The following DNAH10 variants were observed in gnomAD, a reference collection of about 807,000 sequenced individuals.
The protein encoded by DNAH10 is dynein axonemal heavy chain 10.
In DNAH10, 348 loss-of-function variants were observed where a neutral mutation model predicts 506.6. That is an observed-to-expected ratio of 0.69 (90% CI 0.63 to 0.75). The LOEUF (loss-of-function observed/expected upper bound fraction) is 0.75, where lower values mean the gene tolerates loss of function less well. Ranked by LOEUF, DNAH10 falls within the 30% of genes least tolerant of loss-of-function variation. DNAH10 has a pLI of 0.00. For synonymous variants in DNAH10, 2,059 were observed against 2,198.6 expected (o/e 0.94, Z 1.78); for missense variants, 5,179 against 5,787.1 (o/e 0.89, Z 3.41).
chr12:123,848,990 G>T, intron 34 of DNAH10, 108 bp downstream of exon 34: 1 of 1,327,952 alleles, frequency 7.5e-7, no homozygotes, highest in Non-Finnish European at 1.0e-6. Flanking sequence ...CTCCAGACCA[G>T]GCTTCCTGTA....
intron 21 of DNAH10, among the ~76,000 whole-genome samples, chr12:123,818,739 C>A (rs1159834297): frequency 1.3e-5 from 2 of 152,178 alleles, no homozygotes; most frequent in African/African-American, 4.8e-5. Flanking sequence ...GCCTCAGCCC[C>A]CCAAAGTACT....
chr12:123,852,730 C>T (rs929245882), intron 35 of DNAH10, among the ~76,000 whole-genome samples: 3 of 152,152 alleles, frequency 2.0e-5, no homozygotes, highest in Non-Finnish European at 2.9e-5. Context: ...TGCGCCACCA[C>T]GCCTGGCTAA....
chr12:123,893,276 C>T lies in DNAH10; in HGVS notation c.9039C>T (p.Ile3013=). 6.2e-7 allele frequency: 1 copy of T among 1,614,050 alleles called. No individual in the cohort carries two copies. The highest frequency in any genetic ancestry group is 8.5e-7 in the Non-Finnish European group (1 of 1,179,904). Reference sequence around the variant, plus strand: ...TTTCTGAAGAGGAGAAAGAGTCTATCCTGAGTCAGATTGGACAGGAAGCTC... The same window carrying T: ...TTTCTGAAGAGGAGAAAGAGTCTATTCTGAGTCAGATTGGACAGGAAGCTC... The part of the protein sequence containing the change: ...ALFSEEEKES[I]LSQIGQEALK... The change falls in exon 53 of 79, where the codon ATC becomes ATT. Residue 3013 remains isoleucine (I), a synonymous_variant. Transcript: ENST00000673944.
chr12:123,805,162 T>C, intron 18 of DNAH10, 122 bp downstream of exon 18: 1 of 1,038,146 alleles, frequency 9.6e-7, no homozygotes, highest in African/African-American at 1.6e-5. Flanking sequence ...TCAGAGGCTT[T>C]CTGGCAGAAG....
chr12:123,768,894 A>T (rs1329310997), intron 2 of DNAH10, among the ~76,000 whole-genome samples: 1 of 151,722 alleles, frequency 6.6e-6, no homozygotes, highest in Non-Finnish European at 1.5e-5. Context: ...GTGCACCAAC[A>T]TGCCTGGATG....
Position 123,929,332 on chromosome 12 carries a change from A to T in DNAH10, c.12364A>T (p.Ile4122Phe). 1 of 1,608,248 alleles carries T rather than the reference A, an allele frequency of 6.2e-7. No individual in the cohort carries two copies. Among genetic ancestry groups the T allele is most frequent in the East Asian group, 2.2e-5 (1 of 44,716 alleles). ...KLNMRATYFK[I>F]SHEMLDQCPH... is the part of the protein sequence containing the mutation. ...CAACATGAGGGCAACTTACTTCAAGATCTCTCACGAAATGCTGGACCAGTG... is the reference window on the plus strand; with the variant it reads ...CAACATGAGGGCAACTTACTTCAAGTTCTCTCACGAAATGCTGGACCAGTG... The change falls in exon 71 of 79, where the codon ATC (isoleucine) becomes TTC (phenylalanine). Residue 4122 changes from isoleucine (I) to phenylalanine (F), a missense_variant. By Grantham distance (21) the Ile-to-Phe change is conservative (BLOSUM62 0). Coordinates refer to ENST00000673944, the MANE Select transcript of DNAH10 (RefSeq NM_001372106.1).
At chr12:123,840,569 C>T (rs1375891520) in intron 29 of DNAH10, among the ~76,000 whole-genome samples, 1 of 151,908 alleles carries the variant, frequency 6.6e-6, no homozygotes, top group African/African-American at 2.4e-5. Flanking sequence ...TGTGCCTGGC[C>T]TTCTGCTTCC....
intron 45 of DNAH10, among the ~76,000 whole-genome samples, chr12:123,873,299 T>A (rs939862328): frequency 2.2e-4 from 33 of 152,176 alleles, no homozygotes; most frequent in African/African-American, 7.0e-4. Context: ...AGACCCTCAG[T>A]CTACTTTCTT....
intron 35 of DNAH10, among the ~76,000 whole-genome samples, chr12:123,852,597 G>T (rs193023948): frequency 2.4e-4 from 36 of 151,090 alleles, no homozygotes; most frequent in African/African-American, 8.5e-4. Flanking sequence ...TTTTGAGATG[G>T]AATCTTGCTC....
intron 36 of DNAH10, among the ~76,000 whole-genome samples, chr12:123,856,150 A>T (rs1223610351): frequency 6.8e-6 from 1 of 147,260 alleles, no homozygotes; most frequent in Non-Finnish European, 1.5e-5. Context: ...ATAATTTATA[A>T]ATAATACAAA....
At chr12:123,887,339 T>C in intron 52 of DNAH10, 26 bp downstream of exon 52, 1 of 1,606,618 alleles carries the variant, frequency 6.2e-7, no homozygotes, top group Non-Finnish European at 8.5e-7. Flanking sequence ...GCGCCCGCTG[T>C]GGCCAACACC....
chr12:123,834,072 A>G (rs1321383362), intron 27 of DNAH10, among the ~76,000 whole-genome samples: 2 of 152,160 alleles, frequency 1.3e-5, no homozygotes, highest in African/African-American at 2.4e-5. Context: ...GGCCTGGTTC[A>G]CTGGCCAACT....
chr12:123,905,428 T>A (rs547176649), intron 57 of DNAH10, among the ~76,000 whole-genome samples: 1 of 152,342 alleles, frequency 6.6e-6, no homozygotes, highest in South Asian at 2.1e-4. Context: ...GCATTTATAG[T>A]GTTCATAGCT....
intron 55 of DNAH10, among the ~76,000 whole-genome samples, chr12:123,898,422 G>A (rs1249949048): frequency 2.0e-5 from 3 of 152,156 alleles, no homozygotes. Context: ...TGCCGGACAG[G>A]GCTTTTTAAA....
In DNAH10 at chr12:123,897,725, G is replaced by A. The variant is rs139516149; in HGVS notation, c.9281-45G>A. On this transcript the variant is annotated intron_variant, in intron 54 of 78. Coordinates refer to ENST00000673944, the MANE Select transcript of DNAH10 (RefSeq NM_001372106.1). ...GGGCAACAGAGTGAGACCCTGTGTC[G>A]AAAAAGAAAAAGAAAGAAAACATTT... The A allele has an allele frequency of 3.4e-4, 546 of 1,585,686 alleles. 3 individuals are homozygous for A. The African/African-American group carries it at 6.2e-3, about 18-fold the overall frequency.
At chr12:123,832,284 G>A (rs559896499) in intron 26 of DNAH10, among the ~76,000 whole-genome samples, 117 of 151,530 alleles carry the variant, frequency 7.7e-4, no homozygotes, top group East Asian at 4.1e-3. Context: ...CTATGTATTC[G>A]TATACACACG....
chr12:123,818,645 C>A (rs1324748241), intron 21 of DNAH10, among the ~76,000 whole-genome samples: 2 of 152,034 alleles, frequency 1.3e-5, no homozygotes, highest in African/African-American at 2.4e-5. Flanking sequence ...TTTAAAATTT[C>A]TTTTTCTTTT....
At position 123,850,769 on chromosome 12, in the gene DNAH10, T is replaced by G. The variant is rs1951125537; in HGVS notation, c.6103-119T>G. On this transcript the variant is annotated intron_variant, in intron 34 of 78. Coordinates refer to ENST00000673944, the MANE Select transcript of DNAH10 (RefSeq NM_001372106.1). This position sits in a 1 kb window ranked among gnomAD's most constrained non-coding sequence, Gnocchi z 5.5. ...GGGAGGGAAAAAGAGACAAGTGGTG[T>G]TGTCAGCCTCATACCATGAAAATGA... 2 of 1,019,562 alleles carry G rather than the reference T, an allele frequency of 2.0e-6. No individual in the cohort carries two copies. Among genetic ancestry groups the G allele is most frequent in the South Asian group, 3.4e-5 (2 of 58,792 alleles). The allele number at this position is 1,019,562 out of a possible 1,614,324, so 63.2% of individuals were successfully genotyped here. A position where few individuals can be genotyped will look rare whatever the true frequency, so the allele number is the denominator to read the frequency against.
At chr12:123,788,283 A>C (rs972529784) in intron 10 of DNAH10, among the ~76,000 whole-genome samples, 8 of 152,100 alleles carry the variant, frequency 5.3e-5, no homozygotes, top group Non-Finnish European at 8.8e-5. Context: ...TGTCTTTTGC[A>C]AAGCTCCCTT....
Sources: gnomAD v4.1 joint callset for allele counts (sites outside exome capture counted in the v4.1 genomes callset) on GRCh38, gnomAD v4.1.1 for gene constraint, Gnocchi (gnomAD v3.1) non-coding constraint, MANE v1.5 for transcripts, NCBI Gene and HGNC (gene_info 2026-07-23, HGNC 2026-07-21) for gene names.